C4orf51: variants seen among roughly 807,000 people sequenced by gnomAD.
C4orf51 encodes chromosome 4 open reading frame 51.
In C4orf51, 25 loss-of-function variants were observed where a neutral mutation model predicts 25.2. The observed-to-expected ratio is 0.99, with a 90% CI of 0.72 to 1.39. C4orf51 has a LOEUF of 1.39. Ranked by LOEUF, C4orf51 falls within the 40% of genes most tolerant of loss-of-function variation. The pLI is 0.00. For synonymous variants in C4orf51, 100 were observed against 84.5 expected (o/e 1.18, Z -1.01); for missense variants, 252 against 239.6 (o/e 1.05, Z -0.34).
At chr4:145,753,008 T>G (rs992804389) in intron 1 of C4orf51, among the ~76,000 whole-genome samples, 10 of 152,196 alleles carry the variant, frequency 6.6e-5, no homozygotes, top group Admixed American at 2.6e-4. Flanking sequence ...TGGCCGCTGC[T>G]GGGGGCTGGG....
At chr4:145,718,714 C>T (rs1731553063) in intron 2 of C4orf51, among the ~76,000 whole-genome samples, 2 of 152,322 alleles carry the variant, frequency 1.3e-5, no homozygotes, top group African/African-American at 2.4e-5. Flanking sequence ...ACGAATGTGA[C>T]CTTGCCTATC....
the C4orf51 span, among the ~76,000 whole-genome samples, chr4:145,780,390 C>G: frequency 2.0e-5 from 3 of 152,194 alleles, no homozygotes; most frequent in Non-Finnish European, 2.9e-5. Context: ...AACTACCACA[C>G]GCTGTGCCAC....
chr4:145,707,944 G>A (rs966682325), intron 2 of C4orf51, among the ~76,000 whole-genome samples: 1 of 152,240 alleles, frequency 6.6e-6, no homozygotes, highest in Non-Finnish European at 1.5e-5. Context: ...TCAGGAGTTG[G>A]GATTCTGTCC....
At chr4:145,744,323 G>A (rs923507636) in intron 1 of C4orf51, among the ~76,000 whole-genome samples, 1 of 152,118 alleles carries the variant, frequency 6.6e-6, no homozygotes, top group African/African-American at 2.4e-5. Flanking sequence ...ATGGATTATG[G>A]GTAATGTGAA....
the C4orf51 span, among the ~76,000 whole-genome samples, chr4:145,783,847 C>A: frequency 2.7e-3 from 410 of 152,278 alleles, 1 homozygote; most frequent in African/African-American, 9.4e-3. Flanking sequence ...TGGTTTGGTT[C>A]TGTGTCCCTG....
At chr4:145,748,362 G>T (rs570350285) in intron 1 of C4orf51, among the ~76,000 whole-genome samples, 2 of 151,764 alleles carry the variant, frequency 1.3e-5, no homozygotes, top group Admixed American at 6.6e-5. Context: ...TTGATCTTTT[G>T]TATTGTTTTC....
chr4:145,751,303 C>A (rs1320780161), intron 1 of C4orf51, among the ~76,000 whole-genome samples: 2 of 152,088 alleles, frequency 1.3e-5, no homozygotes, highest in African/African-American at 4.8e-5. Context: ...CTTTCCAATT[C>A]TTTGAAGGGA....
chr4:145,762,628 A>G lies in C4orf51; in HGVS notation n.167-8360A>G, dbSNP rs948625278. Among the ~76,000 whole-genome samples the G allele has an allele frequency of 6.6e-6, 1 of 151,838 alleles. No homozygotes were observed. Among genetic ancestry groups the G allele is most frequent in the Non-Finnish European group, 1.5e-5 (1 of 67,928 alleles). Reference sequence around the variant, plus strand: ...TTGTCAGGCTGGAGCTGGACACCCTAGCCTGGGCCTCTCTGTGGCTCGGTT... The same window carrying G: ...TTGTCAGGCTGGAGCTGGACACCCTGGCCTGGGCCTCTCTGTGGCTCGGTT... On this transcript the variant is annotated intron_variant and non_coding_transcript_variant, in intron 1 of 1. Coordinates refer to the C4orf51 transcript ENST00000510096. This position sits in a 1 kb window ranked among gnomAD's most constrained non-coding sequence, Gnocchi z 4.9.
At chr4:145,726,870 T>C (rs376727006) in intron 2 of C4orf51, 41 bp from the exon 3 acceptor site, 1 of 1,518,456 alleles carries the variant, frequency 6.6e-7, no homozygotes, top group South Asian at 1.1e-5. Flanking sequence ...TTATTCTAAC[T>C]CTGCATTTAA....
chr4:145,726,804 A>G, intron 2 of C4orf51, 107 bp from the exon 3 acceptor site: 1 of 878,958 alleles, frequency 1.1e-6, no homozygotes, highest in South Asian at 1.5e-5. Flanking sequence ...GCTAAAGGGA[A>G]GCAATTGAAG....
intron 1 of C4orf51, among the ~76,000 whole-genome samples, chr4:145,742,164 A>G (rs924527426): frequency 1.3e-5 from 2 of 152,194 alleles, no homozygotes; most frequent in Non-Finnish European, 2.9e-5. Context: ...ATGGCCATCA[A>G]ATTGATACAG....
chr4:145,779,435 G>A, the C4orf51 span: 72 of 1,614,016 alleles, frequency 4.5e-5, no homozygotes, highest in Non-Finnish European at 5.5e-5. Context: ...TCCCACACAC[G>A]TCACAGGGAA....
chr4:145,694,255 C>T (rs1475179202), intron 1 of C4orf51, among the ~76,000 whole-genome samples: 5 of 138,966 alleles, frequency 3.6e-5, no homozygotes, highest in African/African-American at 1.4e-4. Context: ...GGATGGCGGC[C>T]AGGCGGAGAC....
chr4:145,686,442 T>G (rs1729158386), intron 1 of C4orf51, among the ~76,000 whole-genome samples: 1 of 152,186 alleles, frequency 6.6e-6, no homozygotes, highest in African/African-American at 2.4e-5. Flanking sequence ...ATAATAATAA[T>G]GAAAACTTGT....
intron 1 of C4orf51, among the ~76,000 whole-genome samples, chr4:145,693,654 GC>G (rs1461179404): frequency 1.1e-5 from 1 of 88,068 alleles, no homozygotes; most frequent in African/African-American, 5.1e-5. Flanking sequence ...GGCTGGCCGG[GC>G]AGGGGGGCTG....
chr4:145,775,860 T>C (rs1327519929), downstream of C4orf51: 1 of 1,614,194 alleles, frequency 6.2e-7, no homozygotes, highest in African/African-American at 1.3e-5. Flanking sequence ...CCTCGGTGTC[T>C]GTACTCACCA....
At chr4:145,697,243 G>A (rs528543092) in intron 2 of C4orf51, among the ~76,000 whole-genome samples, 1 of 151,992 alleles carries the variant, frequency 6.6e-6, no homozygotes, top group Non-Finnish European at 1.5e-5. Flanking sequence ...GGGATTACAG[G>A]CACCTGCCAC....
chr4:145,706,890 C>T (rs1730842464), intron 2 of C4orf51, among the ~76,000 whole-genome samples: 1 of 150,404 alleles, frequency 6.6e-6, no homozygotes, highest in South Asian at 2.1e-4. Flanking sequence ...TGGCTCACTG[C>T]AACCTCCACC....
In C4orf51 at chr4:145,697,202, C is replaced by T. The variant is rs1320880684; in HGVS notation, c.307+570C>T. On this transcript the variant is annotated intron_variant, in intron 2 of 5. Transcript: ENST00000438731. ...GCAAACTTTGCCTCCTGGGTTCAAG[C>T]GATTTTCATGCCTCAGCCTCCCAAG... 5.3e-5 allele frequency among the ~76,000 whole-genome samples: 8 copies of T among 151,086 alleles called. No individual in the cohort carries two copies. In the East Asian group the frequency reaches 6.0e-4, roughly 11 times the overall value.
Sources: allele counts gnomAD v4.1 joint callset (sites outside exome capture counted in the v4.1 genomes callset), GRCh38; gene constraint gnomAD v4.1.1; non-coding constraint Gnocchi (gnomAD v3.1); transcripts MANE v1.5; gene names NCBI Gene and HGNC (gene_info 2026-07-23, HGNC 2026-07-21).